The following SPATA17 variants were observed in gnomAD, a reference collection of about 807,000 sequenced individuals.
SPATA17 encodes spermatogenesis-associated protein 17.
In SPATA17, 53 loss-of-function variants were observed where a neutral mutation model predicts 62.2. That is an observed-to-expected ratio of 0.85 (90% CI 0.68 to 1.07). SPATA17 has a LOEUF of 1.07. Among genes scored for constraint, SPATA17 ranks in the 50% least tolerant of loss-of-function variants. The pLI, the probability that SPATA17 is intolerant of heterozygous loss-of-function variation, is 0.00. For missense variants in SPATA17, 466 were observed against 425.5 expected (o/e 1.10, Z -0.84); for synonymous variants, 146 against 146.8 (o/e 0.99, Z 0.04).
At chr1:217,786,187 T>C (rs554225310) in intron 8 of SPATA17, among the ~76,000 whole-genome samples, 3 of 152,172 alleles carry the variant, frequency 2.0e-5, no homozygotes, top group Admixed American at 1.3e-4. Context: ...GTGAAACTTA[T>C]ATAGCTGAAA....
intron 3 of SPATA17, among the ~76,000 whole-genome samples, chr1:217,662,064 T>A (rs993028529): frequency 2.0e-5 from 3 of 152,138 alleles, no homozygotes; most frequent in Non-Finnish European, 4.4e-5. Context: ...GCACTAACAA[T>A]TTGAGAGTTC....
chr1:217,745,367 A>G (rs1672723744), intron 6 of SPATA17, among the ~76,000 whole-genome samples: 1 of 152,156 alleles, frequency 6.6e-6, no homozygotes, highest in African/African-American at 2.4e-5. Context: ...AAAATAGAAT[A>G]GCAGTGTCAT....
chr1:217,753,255 T>C (rs1242175898), intron 6 of SPATA17, among the ~76,000 whole-genome samples: 1 of 152,220 alleles, frequency 6.6e-6, no homozygotes, highest in South Asian at 2.1e-4. Context: ...ACTTCACCTC[T>C]GAGTGGACTC....
chr1:217,856,995 C>G (rs919387885), intron 9 of SPATA17, among the ~76,000 whole-genome samples: 22 of 152,212 alleles, frequency 1.4e-4, no homozygotes, highest in African/African-American at 5.1e-4. Context: ...TTATACGTAG[C>G]GAGAAGTTCT....
At chr1:217,795,310 G>GCACTACAT (rs1354263536) in intron 8 of SPATA17, among the ~76,000 whole-genome samples, 1 of 150,150 alleles carries the variant, frequency 6.7e-6, no homozygotes, top group African/African-American at 2.5e-5. Context: ...TATATGCCAG[G>GCACTACAT]CACTACATTA....
chr1:217,851,636 G>C (rs773299683), intron 9 of SPATA17, among the ~76,000 whole-genome samples: 2 of 152,092 alleles, frequency 1.3e-5, no homozygotes, highest in Non-Finnish European at 2.9e-5. Flanking sequence ...GATTAAAATG[G>C]TGTTGTTAGC....
chr1:217,640,845 C>A (rs1360066938), intron 1 of SPATA17, among the ~76,000 whole-genome samples: 1 of 151,332 alleles, frequency 6.6e-6, no homozygotes, highest in Non-Finnish European at 1.5e-5. Flanking sequence ...TTATGTAAAA[C>A]AAATGTAAAA....
chr1:217,725,495 C>T (rs917991732), intron 5 of SPATA17, among the ~76,000 whole-genome samples: 2 of 152,052 alleles, frequency 1.3e-5, no homozygotes, highest in Non-Finnish European at 2.9e-5. Context: ...TAGAGTCTTG[C>T]TCTGTCACTC....
chr1:217,829,963 A>T (rs550351545), intron 9 of SPATA17, among the ~76,000 whole-genome samples: 2 of 152,156 alleles, frequency 1.3e-5, no homozygotes, highest in African/African-American at 2.4e-5. Flanking sequence ...CAGATGAGAG[A>T]TATATTAATC....
chr1:217,671,806 G>A (rs528516934), intron 4 of SPATA17, among the ~76,000 whole-genome samples: 44 of 152,312 alleles, frequency 2.9e-4, no homozygotes, highest in African/African-American at 1.1e-3. Flanking sequence ...GAGGCTATGT[G>A]GAGCACATAA....
At chr1:217,752,160 G>A (rs947270397) in intron 6 of SPATA17, among the ~76,000 whole-genome samples, 1 of 152,096 alleles carries the variant, frequency 6.6e-6, no homozygotes, top group Non-Finnish European at 1.5e-5. Context: ...AAGTAGCTGA[G>A]ACTACAGGCA....
chr1:217,654,686 C>T (rs374505580), intron 3 of SPATA17, among the ~76,000 whole-genome samples: 58 of 150,762 alleles, frequency 3.8e-4, no homozygotes, highest in African/African-American at 1.3e-3. Context: ...CCTTATCTCT[C>T]AATATATTGC....
chr1:217,708,430 T>C (rs1288442669), intron 5 of SPATA17, among the ~76,000 whole-genome samples: 1 of 152,090 alleles, frequency 6.6e-6, no homozygotes, highest in South Asian at 2.1e-4. Flanking sequence ...AATACCTCTA[T>C]GCACATAAGG....
At chr1:217,741,238 A>G (rs892308875) in intron 5 of SPATA17, among the ~76,000 whole-genome samples, 2 of 152,152 alleles carry the variant, frequency 1.3e-5, no homozygotes, top group Non-Finnish European at 2.9e-5. Context: ...TCCATATTTG[A>G]TATCATAATC....
intron 9 of SPATA17, among the ~76,000 whole-genome samples, chr1:217,823,711 T>C (rs1674923521): frequency 6.6e-6 from 1 of 152,038 alleles, no homozygotes; most frequent in Admixed American, 6.6e-5. Flanking sequence ...AATGGGGTGC[T>C]GAAGTCTCCT....
chr1:217,679,809 A>AT (rs1298157700), intron 4 of SPATA17, among the ~76,000 whole-genome samples: 3 of 151,912 alleles, frequency 2.0e-5, no homozygotes, highest in Non-Finnish European at 2.9e-5. Context: ...ACATTGTTGG[A>AT]TTTTTTCTTT....
intron 5 of SPATA17, among the ~76,000 whole-genome samples, chr1:217,700,600 T>G (rs1558570918): frequency 6.6e-6 from 1 of 152,120 alleles, no homozygotes; most frequent in Non-Finnish European, 1.5e-5. Flanking sequence ...TTTTTTCTTT[T>G]TTTTGAGATG....
intron 8 of SPATA17, among the ~76,000 whole-genome samples, chr1:217,791,936 G>A (rs1212615529): frequency 6.6e-6 from 1 of 152,158 alleles, no homozygotes; most frequent in Non-Finnish European, 1.5e-5. Context: ...GAGAAAGGTT[G>A]AGAAGCTGCT....
chr1:217,788,840 T>C (rs187303424), intron 8 of SPATA17, among the ~76,000 whole-genome samples: 1 of 152,304 alleles, frequency 6.6e-6, no homozygotes, highest in African/African-American at 2.4e-5. Flanking sequence ...ACCAATTTTG[T>C]GGTGATTTGT....
Sources: allele counts gnomAD v4.1 joint callset (sites outside exome capture counted in the v4.1 genomes callset), GRCh38; gene constraint gnomAD v4.1.1; transcripts MANE v1.5; gene names NCBI Gene and HGNC (gene_info 2026-07-23, HGNC 2026-07-21).